Variants in HERC3 observed in about 807,000 individuals in gnomAD.
HERC3 encodes the protein probable E3 ubiquitin-protein ligase HERC3.
In HERC3, 58 loss-of-function variants were observed where a neutral mutation model predicts 129.9. The observed-to-expected ratio is 0.45, with a 90% CI of 0.36 to 0.56. The LOEUF (loss-of-function observed/expected upper bound fraction) is 0.56. Among genes scored for constraint, HERC3 ranks in the 20% least tolerant of loss-of-function variants. The pLI, the probability that HERC3 is intolerant of heterozygous loss-of-function variation, is 0.00. For missense variants in HERC3, 835 were observed against 1,244.2 expected, an observed-to-expected ratio of 0.67 and a Z score of 4.95; for synonymous variants, 430 against 451.0, an observed-to-expected ratio of 0.95 and a Z score of 0.59.
At chr4:88,585,518 C>CTTT in the HERC3 span, among the ~76,000 whole-genome samples, 1 of 122,814 alleles carries the variant, frequency 8.1e-6, no homozygotes, top group Non-Finnish European at 1.8e-5. Flanking sequence ...TGATACTTTG[C>CTTT]TTTTTTTTTT....
intron 16 of HERC3, among the ~76,000 whole-genome samples, chr4:88,675,414 AAAT>A (rs1732054257): frequency 6.6e-6 from 1 of 152,228 alleles, no homozygotes; most frequent in African/African-American, 2.4e-5. Context: ...TATCATTAAG[AAAT>A]AATATAGAGC....
intron 3 of HERC3, among the ~76,000 whole-genome samples, chr4:88,612,207 G>T (rs1724411455): frequency 6.6e-6 from 1 of 151,726 alleles, no homozygotes; most frequent in Non-Finnish European, 1.5e-5. Flanking sequence ...AACTATTGCT[G>T]TTGCTGACCC....
At chr4:88,531,333 C>T in the HERC3 span, among the ~76,000 whole-genome samples, 2 of 152,104 alleles carry the variant, frequency 1.3e-5, no homozygotes, top group Admixed American at 1.3e-4. Flanking sequence ...AGCCACCGTG[C>T]ACAGCCAATA....
At chr4:88,680,055 A>T (rs765544469) in intron 19 of HERC3, 38 bp from the exon 20 acceptor site, 1 of 1,569,450 alleles carries the variant, frequency 6.4e-7, no homozygotes. Context: ...TGTGTCATAG[A>T]TTTCCCGGAA....
chr4:88,586,419 C>T, the HERC3 span, among the ~76,000 whole-genome samples: 8 of 144,490 alleles, frequency 5.5e-5, no homozygotes, highest in East Asian at 4.1e-4. Flanking sequence ...AGTGTAATGG[C>T]GTGATCTCAG....
At chr4:88,573,971 C>A in the HERC3 span, among the ~76,000 whole-genome samples, 1 of 152,296 alleles carries the variant, frequency 6.6e-6, no homozygotes, top group South Asian at 2.1e-4. Flanking sequence ...AGAACTAAAA[C>A]CCTTCTTTCT....
At chr4:88,561,095 G>A in the HERC3 span, among the ~76,000 whole-genome samples, 1 of 151,988 alleles carries the variant, frequency 6.6e-6, no homozygotes, top group Non-Finnish European at 1.5e-5. Flanking sequence ...ATGAATTTTA[G>A]GGTTTTGTTT....
chr4:88,557,522 CGT>C, the HERC3 span, among the ~76,000 whole-genome samples: 12 of 151,890 alleles, frequency 7.9e-5, no homozygotes, highest in African/African-American at 1.5e-4. Flanking sequence ...TATTCACATA[CGT>C]GTGTGTGTGT....
At chr4:88,540,122 T>C in the HERC3 span, among the ~76,000 whole-genome samples, 42 of 152,278 alleles carry the variant, frequency 2.8e-4, no homozygotes, top group South Asian at 6.8e-3. Flanking sequence ...CTTCAGAAGA[T>C]TGGTAATAAC....
the HERC3 span, among the ~76,000 whole-genome samples, chr4:88,573,754 C>CT: frequency 5.3e-5 from 8 of 152,168 alleles, no homozygotes; most frequent in Non-Finnish European, 8.8e-5. Flanking sequence ...CCCTGACAGC[C>CT]TTTCCTAGCT....
chr4:88,564,161 C>G, the HERC3 span, among the ~76,000 whole-genome samples: 2 of 152,138 alleles, frequency 1.3e-5, no homozygotes, highest in Non-Finnish European at 2.9e-5. Context: ...AATGAATTAT[C>G]TTTTTAATGT....
intron 12 of HERC3, among the ~76,000 whole-genome samples, chr4:88,665,740 G>C (rs1177874875): frequency 3.9e-5 from 6 of 152,142 alleles, no homozygotes; most frequent in Non-Finnish European, 7.3e-5. Context: ...GGTCACTTCA[G>C]AAACTCTCTT....
At chr4:88,591,830 CT>C (rs1721726371), upstream of HERC3, among the ~76,000 whole-genome samples, 1 of 152,140 alleles carries the variant, frequency 6.6e-6, no homozygotes, top group Non-Finnish European at 1.5e-5. Flanking sequence ...TGCTCAGACT[CT>C]TCTTGCTATG....
intron 3 of HERC3, among the ~76,000 whole-genome samples, chr4:88,619,876 T>C (rs187098573): frequency 1.8e-4 from 28 of 152,302 alleles, no homozygotes; most frequent in Admixed American, 5.2e-4. Flanking sequence ...AGATTCCACT[T>C]TTTCATCATC....
chr4:88,655,425 C>G (rs1421953255), intron 8 of HERC3, 121 bp downstream of exon 8: 27 of 1,140,188 alleles, frequency 2.4e-5, no homozygotes, highest in Non-Finnish European at 2.9e-5. Flanking sequence ...TAACTGCATG[C>G]ACGCCTATGG....
In HERC3 at chr4:88,667,381, G is replaced by C. The variant is rs1456225882; in HGVS notation, c.1336G>C (p.Asp446His). ...WNGSFLEKKI[D>H]EHFKTSPKIP... ...TTTTTGATTTTGTTTGTTTAGAATT[G>C]ATGAACATTTTAAAACGAGTCCCAA... The change falls in exon 13 of 26, where the codon GAT (aspartate) becomes CAT (histidine). Residue 446 changes from aspartate (D) to histidine (H), a missense_variant. Asp to His is a moderately conservative substitution (Grantham distance 81). Coordinates refer to ENST00000402738, the MANE Select transcript of HERC3 (RefSeq NM_014606.3). 1 of 1,571,212 alleles carries C rather than the reference G, an allele frequency of 6.4e-7. No individual in the cohort carries two copies. The highest frequency in any genetic ancestry group is 1.4e-5 in the African/African-American group (1 of 73,332).
At chr4:88,586,866 G>T in the HERC3 span, among the ~76,000 whole-genome samples, 1 of 152,158 alleles carries the variant, frequency 6.6e-6, no homozygotes, top group Non-Finnish European at 1.5e-5. Context: ...AAGGAAATGA[G>T]TACAATGGGA....
chr4:88,548,955 C>T, the HERC3 span, among the ~76,000 whole-genome samples: 1 of 152,124 alleles, frequency 6.6e-6, no homozygotes, highest in Non-Finnish European at 1.5e-5. Flanking sequence ...GCCACTGCGC[C>T]CGGCCCATCT....
chr4:88,670,222 C>A lies in HERC3; in HGVS notation c.1881C>A (p.Tyr627Ter), dbSNP rs759599011. Residue 627 changes from tyrosine to a stop codon, truncating the protein, a stop_gained, in exon 16 of 26, where the codon TAC becomes TAA. Transcript: ENST00000402738. LOFTEE classifies it high-confidence loss of function. Reference protein sequence around the residue: ...ISNLVDIQEDYLMWFLHQAGM... With the variant: ...ISNLVDIQED ...ATCTCGTGGACATTCAGGAAGACTACCTCATGTGGTTCTTGCATCAAGCAG... is the reference window on the plus strand; with the variant it reads ...ATCTCGTGGACATTCAGGAAGACTAACTCATGTGGTTCTTGCATCAAGCAG... The A allele has an allele frequency of 1.2e-6, 2 of 1,611,638 alleles. No homozygotes were observed. The highest frequency in any genetic ancestry group is 8.5e-7 in the Non-Finnish European group (1 of 1,177,870).
Sources: gnomAD v4.1 joint callset for allele counts (sites outside exome capture counted in the v4.1 genomes callset) on GRCh38, gnomAD v4.1.1 for gene constraint, MANE v1.5 for transcripts, NCBI Gene and HGNC (gene_info 2026-07-23, HGNC 2026-07-21) for gene names.